Variants in TRIM28 observed in about 807,000 individuals in gnomAD.
TRIM28 encodes transcription intermediary factor 1-beta.
TRIM28 carries 8 observed loss-of-function variants against 87.4 expected under a neutral mutation model. The ratio of observed to expected loss-of-function variants is 0.09; its 90% CI spans 0.05 to 0.17. The LOEUF is 0.17. TRIM28 is among the 10% of genes least tolerant of loss of function. The probability of loss-of-function intolerance (pLI) is 1.00; values close to 1 mark genes in which losing one functional copy is unlikely to be tolerated. For synonymous variants in TRIM28, 601 were observed against 454.3 expected (o/e 1.32, Z -4.11); for missense variants, 968 against 1,131.8 (o/e 0.86, Z 2.08).
At position 58,550,215 on chromosome 19, in the gene TRIM28, C is replaced by T. The variant is rs56237438; in HGVS notation, c.2262C>T (p.Pro754=). The T allele has an allele frequency of 2.1e-4, 346 of 1,614,116 alleles. 3 individuals carry two copies. In the East Asian group the frequency reaches 7.1e-3, roughly 33 times the overall value. Residue 754 remains proline (P), a synonymous_variant, in exon 16 of 17, where the codon CCC becomes CCT. Transcript: ENST00000253024. Reference sequence around the variant, plus strand: ...GCCTCCAGGAGAAGTTGTCACCTCCCTACAGCTCCCCACAGGAGTTTGCCC... The same window carrying T: ...GCCTCCAGGAGAAGTTGTCACCTCCTTACAGCTCCCCACAGGAGTTTGCCC... ...RARLQEKLSP[P]YSSPQEFAQD... is the part of the protein sequence containing the mutation.
intron 3 of TRIM28, among the ~76,000 whole-genome samples, 177 bp downstream of exon 3, chr19:58,546,073 T>G (rs368023944): frequency 2.0e-4 from 30 of 151,946 alleles, no homozygotes; most frequent in African/African-American, 6.8e-4. Flanking sequence ...GTGTAGTCTC[T>G]AGGGCCTAGG....
In TRIM28 at chr19:58,550,683, A is replaced by G; in HGVS notation, c.*130A>G. ...CCCAGTTCCTCACGATATGGTTTTT[A>G]CTTCTGTGGATTTAATAAAAACTTC... On this transcript the variant is annotated 3_prime_UTR_variant, in exon 17 of 17. Coordinates refer to ENST00000253024, the MANE Select transcript of TRIM28 (RefSeq NM_005762.3). 1.0e-6 allele frequency: 1 copy of G among 955,302 alleles called. No individual in the cohort carries two copies. Among genetic ancestry groups the G allele is most frequent in the Non-Finnish European group, 1.5e-6 (1 of 660,908 alleles). 59.2% of individuals were successfully genotyped at this position (955,302 alleles called of 1,614,324 possible).
chr19:58,550,112 G>A, intron 15 of TRIM28, 35 bp from the exon 16 acceptor site: 1 of 1,613,694 alleles, frequency 6.2e-7, no homozygotes, highest in Non-Finnish European at 8.5e-7. Context: ...GTATATGTGT[G>A]TCTTTGTGTG....
intron 3 of TRIM28, among the ~76,000 whole-genome samples, chr19:58,546,860 C>T (rs1461829224): frequency 3.3e-5 from 5 of 152,128 alleles, no homozygotes; most frequent in African/African-American, 4.8e-5. Context: ...CCTGGTTTGA[C>T]ATTTCATCTC....
At chr19:58,548,433 CTG>C (rs2053780635) in intron 8 of TRIM28, 25 bp downstream of exon 8, 3 of 1,613,876 alleles carry the variant, frequency 1.9e-6, no homozygotes, top group African/African-American at 1.3e-5. Context: ...TTACCTCACT[CTG>C]TTATTACCCC....
chr19:58,548,388 C>T lies in TRIM28; in HGVS notation c.1196C>T (p.Thr399Ile), dbSNP rs766056210. Reference sequence around the variant, plus strand: ...TTTCAGTGGGACCTCAATGCCTGGACCAAGAGTGCCGAGGCCTTTGGTGGG... The same window carrying T: ...TTTCAGTGGGACCTCAATGCCTGGATCAAGAGTGCCGAGGCCTTTGGTGGG... ...MKFQWDLNAW[T>I]KSAEAFGKIV... Residue 399 changes from threonine (T) to isoleucine (I), a missense_variant, in exon 8 of 17, where the codon ACC (threonine) becomes ATC (isoleucine). Around this residue, in one of 11 missense-constraint regions of TRIM28, gnomAD observed 84 missense variants for 139.9 expected, o/e 0.60. Coordinates refer to ENST00000253024, the MANE Select transcript of TRIM28 (RefSeq NM_005762.3). 5 of 1,614,054 alleles carry T rather than the reference C, an allele frequency of 3.1e-6. No individual in the cohort carries two copies. Among genetic ancestry groups the T allele is most frequent in the East Asian group, 2.2e-5 (1 of 44,906 alleles).
rs1260867422 is a variant in TRIM28 at position 58,548,646 on chromosome 19, C to T, written c.1323+54C>T. On this transcript the variant is annotated intron_variant, in intron 9 of 16. Coordinates refer to ENST00000253024, the MANE Select transcript of TRIM28 (RefSeq NM_005762.3). The stretch of plus-strand genomic sequence containing the variant: ...GTGGGCAGGGAATGGGGTCCAGTAG[C>T]AGGAGAGAGGACCCAGGCAGGGGGG... The T allele has an allele frequency of 2.9e-5, 45 of 1,550,424 alleles. No individual in the cohort carries two copies. In the African/African-American group the frequency reaches 6.4e-4, roughly 22 times the overall value.
In TRIM28 at chr19:58,548,728, C is replaced by T; in HGVS notation, c.1324-12C>T. On this transcript the variant is annotated splice_polypyrimidine_tract_variant and intron_variant, in intron 9 of 16. Coordinates refer to ENST00000253024, the MANE Select transcript of TRIM28 (RefSeq NM_005762.3). Reference sequence around the variant, plus strand: ...TGTCCCACTGAGGCAGAGGGTTCTGCTTTGTTCACAGCCCATGGAGGTGCA... The same window carrying T: ...TGTCCCACTGAGGCAGAGGGTTCTGTTTTGTTCACAGCCCATGGAGGTGCA... 1.2e-6 allele frequency: 2 copies of T among 1,613,574 alleles called. No individual in the cohort carries two copies. The highest frequency in any genetic ancestry group is 1.1e-5 in the South Asian group (1 of 91,054).
rs779230878 is a variant in TRIM28 at position 58,549,996 on chromosome 19, C to A, written c.2154C>A (p.Arg718=). The A allele has an allele frequency of 6.2e-7, 1 of 1,614,092 alleles. No individual in the cohort carries two copies. Among genetic ancestry groups the A allele is most frequent in the East Asian group, 2.2e-5 (1 of 44,890 alleles). Reference sequence around the variant, plus strand: ...CCCTATTCTGTCACGAACCCTGCCGCCCCCTGCATCAGCTGGCTACCGACT... The same window carrying A: ...CCCTATTCTGTCACGAACCCTGCCGACCCCTGCATCAGCTGGCTACCGACT... The part of the protein sequence containing the change: ...LLALFCHEPC[R]PLHQLATDST... Residue 718 remains arginine, a synonymous_variant, in exon 15 of 17, where the codon CGC becomes CGA. Transcript: ENST00000253024. The surrounding 1 kb of genome is among the most constrained non-coding windows in gnomAD (Gnocchi z 4.4).
Position 58,544,785 on chromosome 19 carries a change from G to T in TRIM28, c.28G>T (p.Ala10Ser), listed in dbSNP as rs1213249501. 4.2e-6 allele frequency: 5 copies of T among 1,180,812 alleles called. No individual in the cohort carries two copies. The highest frequency in any genetic ancestry group is 4.2e-6 in the Non-Finnish European group (4 of 956,112). The allele number at this position is 1,180,812 out of a possible 1,614,324, so 73.1% of individuals were successfully genotyped here. A position where few individuals can be genotyped will look rare whatever the true frequency, so the allele number is the denominator to read the frequency against. Reference sequence around the variant, plus strand: ...GGCGGCCTCCGCGGCGGCAGCCTCGGCAGCAGCGGCCTCGGCCGCCTCTGG... The same window carrying T: ...GGCGGCCTCCGCGGCGGCAGCCTCGTCAGCAGCGGCCTCGGCCGCCTCTGG... MAASAAAAS[A>S]AAASAASGSP... The change falls in exon 1 of 17, where the codon GCA becomes TCA. Residue 10 changes from alanine (A) to serine (S), a missense_variant. Physicochemically the swap from Ala to Ser is moderately conservative, Grantham distance 99 (BLOSUM62 1). This residue lies in a region of TRIM28 where 208 missense variants were observed against 170.9 expected (regional missense o/e 1.22). Coordinates refer to ENST00000253024, the MANE Select transcript of TRIM28 (RefSeq NM_005762.3).
Position 58,548,990 on chromosome 19 carries a change from C to A in TRIM28, c.1412C>A (p.Ser471Tyr). ...AEPHVSGVKR[S>Y]RSGEGEVSGL... Reference sequence around the variant, plus strand: ...ATGCCAGGTTGCTGCATCTACAGGTCCCGCTCAGGTGAGGGCGAGGTGAGC... The same window carrying A: ...ATGCCAGGTTGCTGCATCTACAGGTACCGCTCAGGTGAGGGCGAGGTGAGC... The change falls in exon 12 of 17, where the codon TCC (serine) becomes TAC (tyrosine). Residue 471 changes from serine (S) to tyrosine (Y), a missense_variant and splice_region_variant. By Grantham distance (144) the Ser-to-Tyr change is moderately radical. Around this residue, in one of 11 missense-constraint regions of TRIM28, gnomAD observed 119 missense variants for 93.6 expected, o/e 1.27. Transcript: ENST00000253024. The A allele has an allele frequency of 6.2e-7, 1 of 1,614,004 alleles. No homozygotes were observed. Among genetic ancestry groups the A allele is most frequent in the Non-Finnish European group, 8.5e-7 (1 of 1,179,974 alleles).
rs528508881 is a variant in TRIM28 at position 58,545,018 on chromosome 19, C to G, written c.261C>G (p.Ala87=). 1 of 1,497,348 alleles carries G rather than the reference C, an allele frequency of 6.7e-7. No homozygotes were observed. Among genetic ancestry groups the G allele is most frequent in the Admixed American group, 2.5e-5 (1 of 40,280 alleles). 92.8% of individuals were successfully genotyped at this position (1,497,348 alleles called of 1,614,324 possible). A position where few individuals can be genotyped will look rare whatever the true frequency, so the allele number is the denominator to read the frequency against. ...EPRLLPCLHS[A]CSACLGPAAP... ...GCCTGCTGCCCTGTTTGCACTCGGC[C>G]TGTAGTGCCTGCTTAGGGCCCGCGG... Residue 87 remains alanine (A), a synonymous_variant, in exon 1 of 17, where the codon GCC becomes GCG. Transcript: ENST00000253024.
rs771319269 is a variant in TRIM28, at chr19:58,550,494, C to T, written c.2449C>T (p.Leu817=). 1 of 1,612,962 alleles carries T rather than the reference C, an allele frequency of 6.2e-7. No individual in the cohort carries two copies. The highest frequency in any genetic ancestry group is 1.1e-5 in the South Asian group (1 of 91,084). The change falls in exon 17 of 17, where the codon CTG becomes TTG. Residue 817 remains leucine (L), a synonymous_variant. Coordinates refer to ENST00000253024, the MANE Select transcript of TRIM28 (RefSeq NM_005762.3). ...AVLVEPPPMS[L]PGAGLSSQEL... is the part of the protein sequence containing the mutation. ...GCTGGTGGAGCCCCCGCCGATGAGC[C>T]TGCCTGGTGCTGGCCTGAGTTCCCA...
chr19:58,545,061 A>G lies in TRIM28; in HGVS notation c.304A>G (p.Ser102Gly). Residue 102 changes from serine (S) to glycine (G), a missense_variant, in exon 1 of 17, where the codon AGC becomes GGC. By Grantham distance (56) the Ser-to-Gly change is moderately conservative. Coordinates refer to ENST00000253024, the MANE Select transcript of TRIM28 (RefSeq NM_005762.3). ...LGPAAPAAAN[S>G]SGDGGAAGDG... is the part of the protein sequence containing the mutation. The stretch of plus-strand genomic sequence containing the variant: ...GCCCGCGGCCCCCGCCGCCGCCAAC[A>G]GCTCGGGGGACGGCGGGGCGGCGGG... 6.9e-7 allele frequency: 1 copy of G among 1,449,602 alleles called. No homozygotes were observed. Among genetic ancestry groups the G allele is most frequent in the East Asian group, 2.7e-5 (1 of 37,150 alleles). 89.8% of individuals were successfully genotyped at this position (1,449,602 alleles called of 1,614,324 possible). A position where few individuals can be genotyped will look rare whatever the true frequency, so the allele number is the denominator to read the frequency against.
In TRIM28 at chr19:58,547,442, T is replaced by G; in HGVS notation, c.653T>G (p.Val218Gly). Residue 218 changes from valine to glycine, a missense_variant, in exon 4 of 17, where the codon GTG becomes GGG. Physicochemically the swap from Val to Gly is moderately radical, Grantham distance 109 (BLOSUM62 -3). Coordinates refer to ENST00000253024, the MANE Select transcript of TRIM28 (RefSeq NM_005762.3). The stretch of plus-strand genomic sequence containing the variant: ...AACGTACACAAGCATGAACCCCTTG[T>G]GCTGTTTTGTGAGAGCTGTGATACT... ...YCNVHKHEPL[V>G]LFCESCDTLT... 1 of 1,614,022 alleles carries G rather than the reference T, an allele frequency of 6.2e-7. No homozygotes were observed. Among genetic ancestry groups the G allele is most frequent in the Non-Finnish European group, 8.5e-7 (1 of 1,179,996 alleles).
intron 11 of TRIM28, 31 bp from the exon 12 acceptor site, chr19:58,548,957 G>T: frequency 1.9e-6 from 3 of 1,614,080 alleles, no homozygotes; most frequent in Middle Eastern, 1.6e-4. Flanking sequence ...GAGGGTGGGG[G>T]TGTACTCATG....
At position 58,548,566 on chromosome 19, in the gene TRIM28, A is replaced by C; in HGVS notation, c.1297A>C (p.Ser433Arg). ...MAPPRAPGPL[S>R]KQGSGSSQPM... ...CCCTCCAAGAGCCCCAGGGCCCCTG[A>C]GCAAGCAGGGCTCTGGCAGCAGCCA... Residue 433 changes from serine to arginine, a missense_variant, in exon 9 of 17, where the codon AGC (serine) becomes CGC (arginine). Ser to Arg is a moderately radical substitution (Grantham distance 110). This residue lies in a region of TRIM28 where 119 missense variants were observed against 93.6 expected (regional missense o/e 1.27). Coordinates refer to ENST00000253024, the MANE Select transcript of TRIM28 (RefSeq NM_005762.3). 6.2e-7 allele frequency: 1 copy of C among 1,612,874 alleles called. No homozygotes were observed. The highest frequency in any genetic ancestry group is 8.5e-7 in the Non-Finnish European group (1 of 1,179,642).
At position 58,544,813 on chromosome 19, in the gene TRIM28, G is replaced by A; in HGVS notation, c.56G>A (p.Ser19Asn). The stretch of plus-strand genomic sequence containing the variant: ...GCAGCGGCCTCGGCCGCCTCTGGCA[G>A]CCCGGGCCCGGGCGAGGGCTCCGCT... The part of the protein sequence containing the change: ...SAAAASAASG[S>N]PGPGEGSAGG... The change falls in exon 1 of 17, where the codon AGC (serine) becomes AAC (asparagine). Residue 19 changes from serine to asparagine, a missense_variant. Physicochemically the swap from Ser to Asn is conservative, Grantham distance 46. Coordinates refer to ENST00000253024, the MANE Select transcript of TRIM28 (RefSeq NM_005762.3). 8.0e-7 allele frequency: 1 copy of A among 1,244,038 alleles called. No individual in the cohort carries two copies. Among genetic ancestry groups the A allele is most frequent in the Non-Finnish European group, 1.0e-6 (1 of 993,388 alleles). The allele number at this position is 1,244,038 out of a possible 1,614,324, so 77.1% of individuals were successfully genotyped here.
chr19:58,550,063 G>T lies in TRIM28; in HGVS notation c.2193+28G>T. 1 of 1,613,838 alleles carries T rather than the reference G, an allele frequency of 6.2e-7. No individual in the cohort carries two copies. The highest frequency in any genetic ancestry group is 8.5e-7 in the Non-Finnish European group (1 of 1,179,904). On this transcript the variant is annotated intron_variant, in intron 15 of 16. Transcript: ENST00000253024. ...GAGTCCTAGGATGGGAAAGGGGAAGGGGGTGGTGGCTGCTGGGTCTCGCCC... is the reference window on the plus strand; with the variant it reads ...GAGTCCTAGGATGGGAAAGGGGAAGTGGGTGGTGGCTGCTGGGTCTCGCCC...
Sources: allele counts gnomAD v4.1 joint callset (sites outside exome capture counted in the v4.1 genomes callset), GRCh38; gene constraint gnomAD v4.1.1; regional missense constraint gnomAD v4.1.1; non-coding constraint Gnocchi (gnomAD v3.1); transcripts MANE v1.5; gene names NCBI Gene and HGNC (gene_info 2026-07-23, HGNC 2026-07-21).